The following ACTR3C variants were observed in gnomAD, a reference collection of about 807,000 sequenced individuals.
ACTR3C encodes the protein actin-related protein 3C.
In ACTR3C, 18 loss-of-function variants were observed where a neutral mutation model predicts 26.3. The ratio of observed to expected loss-of-function variants is 0.68; its 90% CI spans 0.47 to 1.01. ACTR3C has a LOEUF of 1.01. Ranked by LOEUF, ACTR3C falls within the 50% of genes least tolerant of loss-of-function variation. The probability of loss-of-function intolerance (pLI) is 0.00; values close to 1 mark genes in which losing one functional copy is unlikely to be tolerated. For missense variants in ACTR3C, 184 were observed against 250.7 expected (o/e 0.73, Z 1.80); for synonymous variants, 55 against 94.5 (o/e 0.58, Z 2.42).
At chr7:150,009,276 A>G in the ACTR3C span, among the ~76,000 whole-genome samples, 1 of 152,242 alleles carries the variant, frequency 6.6e-6, no homozygotes, top group Non-Finnish European at 1.5e-5. Context: ...CTGAGAGGGT[A>G]GATTCCAATG....
At chr7:150,114,958 A>C in the ACTR3C span, among the ~76,000 whole-genome samples, 1 of 152,070 alleles carries the variant, frequency 6.6e-6, no homozygotes, top group African/African-American at 2.4e-5. Context: ...TTTCTTTTTC[A>C]TAGTTAGATT....
At chr7:150,076,063 A>C in the ACTR3C span, among the ~76,000 whole-genome samples, 16 of 152,260 alleles carry the variant, frequency 1.1e-4, no homozygotes, top group African/African-American at 3.9e-4. Context: ...AGGAATCCAC[A>C]CATGGACATC....
At chr7:150,097,259 C>T in the ACTR3C span, among the ~76,000 whole-genome samples, 1 of 151,736 alleles carries the variant, frequency 6.6e-6, no homozygotes, top group African/African-American at 2.4e-5. Flanking sequence ...TGATTGTGAG[C>T]CTGGCTAAAC....
chr7:150,222,766 A>G, the ACTR3C span, among the ~76,000 whole-genome samples: 1 of 152,234 alleles, frequency 6.6e-6, no homozygotes, highest in Non-Finnish European at 1.5e-5. Flanking sequence ...GATAAGAAAG[A>G]TGCTGTTGAT....
chr7:150,069,185 A>G, the ACTR3C span, among the ~76,000 whole-genome samples: 22 of 152,234 alleles, frequency 1.4e-4, no homozygotes, highest in Non-Finnish European at 2.8e-4. Flanking sequence ...AGTCACAGGT[A>G]ATGCCAAAAC....
the ACTR3C span, chr7:150,001,990 G>A: frequency 2.0e-5 from 3 of 152,216 alleles, no homozygotes; most frequent in Non-Finnish European, 4.4e-5. Context: ...TCTCAGCAGC[G>A]AGGCCTGCCA....
chr7:150,176,286 C>A, the ACTR3C span, among the ~76,000 whole-genome samples: 1 of 150,538 alleles, frequency 6.6e-6, no homozygotes, highest in Non-Finnish European at 1.5e-5. Context: ...TTTTTTATTT[C>A]CTTGGGTCTT....
At chr7:150,015,502 C>T in the ACTR3C span, among the ~76,000 whole-genome samples, 117 of 152,258 alleles carry the variant, frequency 7.7e-4, 4 homozygotes, top group South Asian at 0.023. Context: ...CAAGAGCTGT[C>T]CCTTTCTATA....
At chr7:149,969,144 C>G in the ACTR3C span, among the ~76,000 whole-genome samples, 1 of 152,214 alleles carries the variant, frequency 6.6e-6, no homozygotes, top group African/African-American at 2.4e-5. Context: ...AATGAGGGAA[C>G]AGCTGAGAAC....
chr7:150,204,740 A>G, the ACTR3C span, among the ~76,000 whole-genome samples: 5 of 150,836 alleles, frequency 3.3e-5, no homozygotes, highest in Non-Finnish European at 5.9e-5. Context: ...GAGGAGGAGC[A>G]AGGAACAGGC....
chr7:150,206,632 G>A, the ACTR3C span, among the ~76,000 whole-genome samples: 1 of 151,868 alleles, frequency 6.6e-6, no homozygotes, highest in Non-Finnish European at 1.5e-5. Context: ...ATGTTGGTCA[G>A]GCTGGTCTCA....
At chr7:150,216,285 A>C in the ACTR3C span, among the ~76,000 whole-genome samples, 1 of 152,252 alleles carries the variant, frequency 6.6e-6, no homozygotes, top group African/African-American at 2.4e-5. Flanking sequence ...AATGCTTACT[A>C]TATGCAAACT....
At chr7:150,029,412 A>C in the ACTR3C span, among the ~76,000 whole-genome samples, 5 of 98,420 alleles carry the variant, frequency 5.1e-5, no homozygotes, top group East Asian at 1.3e-3. Context: ...ACAAAAAAAA[A>C]AAAAACAAAC....
At chr7:149,921,155 T>C in the ACTR3C span, among the ~76,000 whole-genome samples, 1 of 152,218 alleles carries the variant, frequency 6.6e-6, no homozygotes, top group Non-Finnish European at 1.5e-5. Flanking sequence ...TATTATATGA[T>C]CTTTCATTAT....
the ACTR3C span, among the ~76,000 whole-genome samples, chr7:149,995,287 T>G: frequency 6.6e-6 from 1 of 152,238 alleles, no homozygotes; most frequent in East Asian, 1.9e-4. Context: ...ATTTCCTCAC[T>G]TTGCTCCTCC....
chr7:150,139,552 C>T, the ACTR3C span, among the ~76,000 whole-genome samples: 2 of 152,266 alleles, frequency 1.3e-5, no homozygotes, highest in African/African-American at 4.8e-5. Flanking sequence ...GGCTGGGCAT[C>T]GGCTCCTCTC....
At chr7:150,176,592 A>G in the ACTR3C span, among the ~76,000 whole-genome samples, 4 of 150,936 alleles carry the variant, frequency 2.7e-5, no homozygotes, top group Non-Finnish European at 2.9e-5. Context: ...CATGTATATC[A>G]TCAAATCACG....
chr7:150,164,362 T>A, the ACTR3C span, among the ~76,000 whole-genome samples: 57 of 152,274 alleles, frequency 3.7e-4, no homozygotes, highest in East Asian at 0.011. Flanking sequence ...ACCACAGTGA[T>A]GAAAAGTGGT....
At chr7:150,131,191 T>C in the ACTR3C span, among the ~76,000 whole-genome samples, 1 of 152,060 alleles carries the variant, frequency 6.6e-6, no homozygotes, top group Non-Finnish European at 1.5e-5. Flanking sequence ...GGGAGAGCAG[T>C]AGAATATGAA....
Sources: allele counts gnomAD v4.1 joint callset (sites outside exome capture counted in the v4.1 genomes callset), GRCh38; gene constraint gnomAD v4.1.1; transcripts MANE v1.5; gene names NCBI Gene and HGNC (gene_info 2026-07-23, HGNC 2026-07-21).